Variants in FNBP1 observed in about 807,000 individuals in gnomAD.
FNBP1 encodes the protein formin binding protein 1.
In FNBP1, 26 loss-of-function variants were observed where a neutral mutation model predicts 90.6. That is an observed-to-expected ratio of 0.29 (90% CI 0.21 to 0.40). The LOEUF (loss-of-function observed/expected upper bound fraction) is 0.40. Among genes scored for constraint, FNBP1 ranks in the 10% least tolerant of loss-of-function variants. The pLI is 1.00. For synonymous variants in FNBP1, 260 were observed against 265.2 expected (o/e 0.98, Z 0.19); for missense variants, 635 against 768.0 (o/e 0.83, Z 2.05).
At chr9:130,001,112 G>A (rs902916164) in intron 1 of FNBP1, among the ~76,000 whole-genome samples, 1 of 151,734 alleles carries the variant, frequency 6.6e-6, no homozygotes, top group Admixed American at 6.6e-5. Context: ...GCAGGCGGAT[G>A]ACAAGGTCAG....
At chr9:129,960,539 T>G (rs1485738528) in intron 4 of FNBP1, among the ~76,000 whole-genome samples, 1 of 152,132 alleles carries the variant, frequency 6.6e-6, no homozygotes, top group Non-Finnish European at 1.5e-5. Context: ...CCTGGCCATC[T>G]GCAAAGGCCC....
intron 10 of FNBP1, among the ~76,000 whole-genome samples, chr9:129,922,061 A>G (rs940075639): frequency 9.0e-6 from 1 of 111,536 alleles, no homozygotes. Context: ...GGTAGGATTT[A>G]AAAAAAAAAA....
chr9:130,044,323 C>T (rs1000280572), upstream of FNBP1, among the ~76,000 whole-genome samples: 6 of 152,232 alleles, frequency 3.9e-5, no homozygotes, highest in African/African-American at 1.4e-4. Flanking sequence ...TCATTCTCCT[C>T]CATTAAAAGG....
intron 1 of FNBP1, among the ~76,000 whole-genome samples, chr9:130,001,480 T>C (rs1357345357): frequency 6.6e-6 from 1 of 152,212 alleles, no homozygotes; most frequent in Non-Finnish European, 1.5e-5. Flanking sequence ...AAGACAATCC[T>C]TAATAAAATA....
chr9:129,940,900 C>T (rs555000919), intron 6 of FNBP1, among the ~76,000 whole-genome samples: 14 of 151,348 alleles, frequency 9.3e-5, no homozygotes, highest in African/African-American at 3.4e-4. Context: ...GCTGAGATTA[C>T]AGGCGTGAGC....
chr9:129,961,931 G>A (rs1007053878), intron 4 of FNBP1, among the ~76,000 whole-genome samples: 1 of 152,136 alleles, frequency 6.6e-6, no homozygotes. Flanking sequence ...CGCTGACTTG[G>A]TCAATGTCCT....
chr9:129,921,073 G>A (rs1041320480), intron 10 of FNBP1, among the ~76,000 whole-genome samples: 1 of 152,000 alleles, frequency 6.6e-6, no homozygotes, highest in Non-Finnish European at 1.5e-5. Flanking sequence ...CACATCTTTA[G>A]GAAATTACAT....
intron 1 of FNBP1, among the ~76,000 whole-genome samples, chr9:129,998,428 C>T (rs2054335156): frequency 6.6e-6 from 1 of 151,656 alleles, no homozygotes; most frequent in South Asian, 2.1e-4. Context: ...GCAGGAGAAT[C>T]GCTCAAGCCC....
intron 1 of FNBP1, among the ~76,000 whole-genome samples, chr9:130,033,555 C>T (rs764383537): frequency 1.3e-5 from 2 of 152,110 alleles, no homozygotes; most frequent in African/African-American, 2.4e-5. Context: ...CCCTGAATGT[C>T]GGCCAGGCAT....
At chr9:130,029,893 A>T (rs899971499) in intron 1 of FNBP1, among the ~76,000 whole-genome samples, 5 of 152,062 alleles carry the variant, frequency 3.3e-5, no homozygotes, top group Non-Finnish European at 5.9e-5. Context: ...TTGAGGTAGG[A>T]GGATTGCTTG....
intron 2 of FNBP1, among the ~76,000 whole-genome samples, chr9:129,981,764 G>A (rs185051137): frequency 5.9e-5 from 9 of 152,228 alleles, no homozygotes; most frequent in Admixed American, 1.3e-4. Context: ...GGGGTTGGAC[G>A]ACATGACCTC....
chr9:130,050,857 T>C, the FNBP1 span, among the ~76,000 whole-genome samples: 1 of 151,350 alleles, frequency 6.6e-6, no homozygotes, highest in African/African-American at 2.4e-5. Flanking sequence ...GACAGAGTCT[T>C]GCTCTGTCGC....
rs144780478 is a variant in FNBP1, at chr9:129,887,651, G to C, written c.*2888C>G. The C allele has an allele frequency of 4.4e-4, 97 of 219,388 alleles. No homozygotes were observed. In the East Asian group the frequency reaches 5.6e-3, roughly 13 times the overall value. 13.6% of individuals were successfully genotyped at this position (219,388 alleles called of 1,614,324 possible). On this transcript the variant is annotated 3_prime_UTR_variant, in exon 17 of 17. Coordinates refer to ENST00000446176, the MANE Select transcript of FNBP1 (RefSeq NM_015033.3). ...CGGTGAGCAGGATAAAAACCCCCAAGGAACAGCCCATGACAACCTTCTGTG... is the reference window on the plus strand; with the variant it reads ...CGGTGAGCAGGATAAAAACCCCCAACGAACAGCCCATGACAACCTTCTGTG...
intron 1 of FNBP1, among the ~76,000 whole-genome samples, chr9:130,030,435 CAAA>C (rs66826963): frequency 3.4e-4 from 44 of 128,296 alleles, no homozygotes; most frequent in Admixed American, 3.1e-4. Context: ...ACTCCGTCTC[CAAA>C]AAAAAAAAAA....
chr9:129,925,203 A>T, intron 8 of FNBP1, 46 bp from the exon 9 acceptor site: 1 of 1,491,992 alleles, frequency 6.7e-7, no homozygotes, highest in African/African-American at 1.4e-5. Context: ...GAAGCATGCA[A>T]ACACTTTTTA....
rs186279850 is a variant in FNBP1, at chr9:129,984,735, G to C, written c.141-5361C>G. Among the ~76,000 whole-genome samples the C allele has an allele frequency of 1.7e-3, 261 of 152,146 alleles. 1 individual carries two copies. The highest frequency in any genetic ancestry group is 5.9e-3 in the African/African-American group (246 of 41,500). ...CCAGGGGGAAGTAATTGAATCATGG[G>C]GGGGGCCGGTCTTTCCCGTGCTATT... On this transcript the variant is annotated intron_variant, in intron 2 of 16. Coordinates refer to ENST00000446176, the MANE Select transcript of FNBP1 (RefSeq NM_015033.3).
At chr9:130,003,973 G>A (rs1274100212) in intron 1 of FNBP1, among the ~76,000 whole-genome samples, 3 of 147,292 alleles carry the variant, frequency 2.0e-5, no homozygotes, top group African/African-American at 7.5e-5. Context: ...AAATTATGCA[G>A]AAGAGTTGTC....
intron 1 of FNBP1, among the ~76,000 whole-genome samples, chr9:130,032,757 T>C (rs2058915075): frequency 6.6e-6 from 1 of 151,962 alleles, no homozygotes; most frequent in Admixed American, 6.6e-5. Context: ...TTTTTTAAAG[T>C]GGTAATAATA....
At chr9:129,999,278 G>A (rs2054482499) in intron 1 of FNBP1, among the ~76,000 whole-genome samples, 1 of 152,002 alleles carries the variant, frequency 6.6e-6, no homozygotes, top group Non-Finnish European at 1.5e-5. Context: ...GGTGGTTCTG[G>A]GGGCCCCTTT....
Sources: allele counts gnomAD v4.1 joint callset (sites outside exome capture counted in the v4.1 genomes callset), GRCh38; gene constraint gnomAD v4.1.1; transcripts MANE v1.5; gene names NCBI Gene and HGNC (gene_info 2026-07-23, HGNC 2026-07-21).